The following SHISA9 variants were observed in gnomAD, a reference collection of about 807,000 sequenced individuals.
SHISA9 encodes shisa family member 9, also known as protein shisa-9.
A neutral mutation model predicts 38.0 loss-of-function variants in SHISA9; 13 were observed. The ratio of observed to expected loss-of-function variants is 0.34; its 90% CI spans 0.22 to 0.54. The LOEUF is 0.54. Among genes scored for constraint, SHISA9 ranks in the 20% least tolerant of loss-of-function variants. The probability of loss-of-function intolerance (pLI) is 0.91; values close to 1 mark genes in which losing one functional copy is unlikely to be tolerated. For synonymous variants in SHISA9, 275 were observed against 242.0 expected (o/e 1.14, Z -1.27); for missense variants, 538 against 575.8 (o/e 0.93, Z 0.67).
At chr16:13,077,837 T>C (rs541258584) in intron 2 of SHISA9, among the ~76,000 whole-genome samples, 1 of 152,198 alleles carries the variant, frequency 6.6e-6, no homozygotes, top group Non-Finnish European at 1.5e-5. Context: ...TTTGGATTAA[T>C]TGGGGGCAGA....
chr16:13,530,572 C>T, the SHISA9 span, among the ~76,000 whole-genome samples: 3 of 152,128 alleles, frequency 2.0e-5, no homozygotes, highest in African/African-American at 2.4e-5. Context: ...TGATGGCATC[C>T]GTGATAAGAG....
chr16:13,070,144 GT>G (rs1567201826), intron 2 of SHISA9, among the ~76,000 whole-genome samples: 1 of 151,910 alleles, frequency 6.6e-6, no homozygotes, highest in African/African-American at 2.4e-5. Context: ...GTGTGTGTGT[GT>G]GTGTGTGTGC....
chr16:13,320,671 T>C, the SHISA9 span, among the ~76,000 whole-genome samples: 2 of 152,220 alleles, frequency 1.3e-5, no homozygotes, highest in African/African-American at 2.4e-5. Context: ...TGCAGAGCCA[T>C]GTCAAATATG....
the SHISA9 span, among the ~76,000 whole-genome samples, chr16:13,344,569 A>G: frequency 6.6e-6 from 1 of 152,182 alleles, no homozygotes; most frequent in Admixed American, 6.5e-5. Flanking sequence ...ACCAAATAGA[A>G]TAACATGGTA....
chr16:13,341,770 G>A, the SHISA9 span, among the ~76,000 whole-genome samples: 1 of 152,070 alleles, frequency 6.6e-6, no homozygotes, highest in Non-Finnish European at 1.5e-5. Context: ...CTCCTTAAAG[G>A]AAACATTGAT....
chr16:13,517,378 T>C, the SHISA9 span, among the ~76,000 whole-genome samples: 1 of 152,236 alleles, frequency 6.6e-6, no homozygotes, highest in Admixed American at 6.5e-5. Flanking sequence ...TGTGGTGATT[T>C]CTGGTGGCCA....
the SHISA9 span, among the ~76,000 whole-genome samples, chr16:13,271,770 T>TG: frequency 1.8e-3 from 272 of 151,692 alleles, 4 homozygotes; most frequent in African/African-American, 4.6e-3. Flanking sequence ...AGGGATCTTA[T>TG]GGGGGGGGTG....
At chr16:12,941,743 T>C (rs2071614588) in intron 2 of SHISA9, among the ~76,000 whole-genome samples, 1 of 151,996 alleles carries the variant, frequency 6.6e-6, no homozygotes, top group South Asian at 2.1e-4. Context: ...CGCAGCTACT[T>C]GGGAGGCTGA....
intron 1 of SHISA9, chr16:12,908,409 G>T (rs2071132531): frequency 1.3e-6 from 2 of 1,539,598 alleles, no homozygotes; most frequent in Admixed American, 2.0e-5. Context: ...ATCCTTGTTG[G>T]TTTTGCAATT....
At chr16:13,297,252 T>C in the SHISA9 span, among the ~76,000 whole-genome samples, 1 of 152,236 alleles carries the variant, frequency 6.6e-6, no homozygotes, top group Non-Finnish European at 1.5e-5. Flanking sequence ...TTGTTCATCA[T>C]TCTTTTGTAT....
chr16:13,190,879 A>G (rs2050878395), intron 2 of SHISA9, among the ~76,000 whole-genome samples: 1 of 151,596 alleles, frequency 6.6e-6, no homozygotes, highest in Non-Finnish European at 1.5e-5. Flanking sequence ...CCAATGCCTC[A>G]TTTTCCAAAG....
the SHISA9 span, among the ~76,000 whole-genome samples, chr16:13,409,355 A>G: frequency 3.3e-5 from 5 of 152,234 alleles, no homozygotes; most frequent in Non-Finnish European, 5.9e-5. Flanking sequence ...ACAGAAAGCT[A>G]TCACACTGGC....
intron 3 of SHISA9, among the ~76,000 whole-genome samples, chr16:13,206,113 C>T (rs1304450378): frequency 6.6e-6 from 1 of 152,064 alleles, no homozygotes. Flanking sequence ...GAGTCCTCAC[C>T]TTCCCAGCAG....
intron 2 of SHISA9, among the ~76,000 whole-genome samples, chr16:13,017,653 T>A (rs969780661): frequency 1.3e-5 from 2 of 152,232 alleles, no homozygotes; most frequent in Non-Finnish European, 2.9e-5. Flanking sequence ...ATTGAATCTT[T>A]ATTCAGTGTA....
At chr16:13,309,592 G>T in the SHISA9 span, among the ~76,000 whole-genome samples, 1 of 145,762 alleles carries the variant, frequency 6.9e-6, no homozygotes, top group African/African-American at 2.6e-5. Flanking sequence ...GCAGTGAGCC[G>T]AGATCACGCC....
chr16:13,356,548 G>A, the SHISA9 span, among the ~76,000 whole-genome samples: 4 of 152,248 alleles, frequency 2.6e-5, no homozygotes, highest in South Asian at 8.3e-4. Context: ...GAGGGGAGGT[G>A]ATAAAAAGAT....
chr16:12,908,200 G>A lies in SHISA9; in HGVS notation c.563+5573G>A, dbSNP rs139665803. On this transcript the variant is annotated intron_variant, in intron 1 of 4. Coordinates refer to ENST00000558583, the MANE Select transcript of SHISA9 (RefSeq NM_001145204.3). ...CCTCTTGTCTACTGAAGAGAATTAT[G>A]TTGTCATCTGGATCTCGGTTACTAA... Among the ~76,000 whole-genome samples the A allele has an allele frequency of 4.6e-5, 7 of 152,180 alleles. No individual in the cohort carries two copies. The East Asian group carries it at 1.2e-3, about 25-fold the overall frequency.
chr16:13,105,930 C>G (rs1219769763), intron 2 of SHISA9, among the ~76,000 whole-genome samples: 1 of 152,178 alleles, frequency 6.6e-6, no homozygotes, highest in Non-Finnish European at 1.5e-5. Flanking sequence ...ATCATAGACA[C>G]ACTTTACTCT....
the SHISA9 span, among the ~76,000 whole-genome samples, chr16:13,315,303 G>A: frequency 6.6e-6 from 1 of 152,220 alleles, no homozygotes; most frequent in African/African-American, 2.4e-5. Flanking sequence ...ACTTTCTAGA[G>A]TAATTGTGAG....
Sources: gnomAD v4.1 joint callset for allele counts (sites outside exome capture counted in the v4.1 genomes callset) on GRCh38, gnomAD v4.1.1 for gene constraint, MANE v1.5 for transcripts, NCBI Gene and HGNC (gene_info 2026-07-23, HGNC 2026-07-21) for gene names.